The following IL12RB1 variants were observed in gnomAD, a reference collection of about 807,000 sequenced individuals.
The protein encoded by IL12RB1 is interleukin-12 receptor subunit beta-1.
A neutral mutation model predicts 94.4 loss-of-function variants in IL12RB1; 64 were observed. That is an observed-to-expected ratio of 0.68 (90% CI 0.55 to 0.83). IL12RB1 has a LOEUF of 0.83. Ranked by LOEUF, IL12RB1 falls within the 40% of genes least tolerant of loss-of-function variation. The pLI, the probability that IL12RB1 is intolerant of heterozygous loss-of-function variation, is 0.00. For synonymous variants in IL12RB1, 362 were observed against 355.5 expected, an observed-to-expected ratio of 1.02 and a Z score of -0.21; for missense variants, 814 against 855.6, an observed-to-expected ratio of 0.95 and a Z score of 0.61.
chr19:18,075,675 G>A, intron 7 of IL12RB1, 74 bp downstream of exon 7: 1 of 1,331,092 alleles, frequency 7.5e-7, no homozygotes, highest in South Asian at 1.2e-5. Flanking sequence ...GGAACTACAG[G>A]TGTGCACCAC....
At chr19:18,083,979 C>A (rs1366035845) in intron 1 of IL12RB1, among the ~76,000 whole-genome samples, 1 of 150,022 alleles carries the variant, frequency 6.7e-6, no homozygotes, top group East Asian at 2.0e-4. Flanking sequence ...ATTCATCCAT[C>A]CATGTATTCA....
Position 18,075,847 on chromosome 19 carries a change from T to A in IL12RB1, c.602A>T (p.Glu201Val). 1 of 1,613,312 alleles carries A rather than the reference T, an allele frequency of 6.2e-7. No homozygotes were observed. Among genetic ancestry groups the A allele is most frequent in the East Asian group, 2.2e-5 (1 of 44,886 alleles). ...CTGGAATTCCTGGGCCACATTCATC[T>A]CCAGGGGGCAGAGGCAGGACTCTGG... ...DDTESCLCPL[E>V]MNVAQEFQLR... Residue 201 changes from glutamate to valine, a missense_variant, in exon 7 of 17, where the codon GAG becomes GTG. By Grantham distance (121) the Glu-to-Val change is moderately radical. Transcript: ENST00000593993.
At chr19:18,062,994 T>C (rs1165765655) in intron 13 of IL12RB1, among the ~76,000 whole-genome samples, 1 of 117,254 alleles carries the variant, frequency 8.5e-6, no homozygotes, top group Non-Finnish European at 1.9e-5. Flanking sequence ...CCTGTGTTGT[T>C]CTCTTCCTCC....
intron 4 of IL12RB1, among the ~76,000 whole-genome samples, chr19:18,080,505 G>C (rs1028367914): frequency 6.6e-6 from 1 of 152,068 alleles, no homozygotes; most frequent in Non-Finnish European, 1.5e-5. Context: ...CCAAAGTGCT[G>C]GGATTACAGG....
Position 18,059,955 on chromosome 19 carries a change from G to A in IL12RB1, c.1922C>T (p.Ala641Val), listed in dbSNP as rs1447702115. Residue 641 changes from alanine to valine, a missense_variant, in exon 16 of 17, where the codon GCC becomes GTC. Physicochemically the swap from Ala to Val is moderately conservative, Grantham distance 64. Coordinates refer to ENST00000593993, the MANE Select transcript of IL12RB1 (RefSeq NM_005535.3). ...CTCTGTATCCAGGGCCAGCTCAGGG[G>A]CACCCTCAGGTAGCTCTGTCTTCTC... Reference protein sequence around the residue: ...PLEKTELPEGAPELALDTELS... With the variant: ...PLEKTELPEGVPELALDTELS... 6.3e-7 allele frequency: 1 copy of A among 1,596,074 alleles called. No individual in the cohort carries two copies. Among genetic ancestry groups the A allele is most frequent in the Non-Finnish European group, 8.5e-7 (1 of 1,170,786 alleles).
intron 12 of IL12RB1, among the ~76,000 whole-genome samples, chr19:18,064,870 A>G (rs1308179112): frequency 6.6e-6 from 1 of 152,134 alleles, no homozygotes; most frequent in East Asian, 1.9e-4. Flanking sequence ...AGGACTAGCT[A>G]AAGCAGGTCC....
intron 1 of IL12RB1, 25 bp from the exon 2 acceptor site, chr19:18,083,516 G>A: frequency 6.2e-7 from 1 of 1,612,200 alleles, no homozygotes; most frequent in Non-Finnish European, 8.5e-7. Flanking sequence ...AAGACATAAT[G>A]ACATTCCTGG....
chr19:18,093,445 C>A (rs941050070), intron 1 of IL12RB1, among the ~76,000 whole-genome samples: 3 of 151,918 alleles, frequency 2.0e-5, no homozygotes, highest in African/African-American at 7.3e-5. Flanking sequence ...AATAAGCACT[C>A]CTTCTTGCCC....
In IL12RB1 at chr19:18,063,076, C is replaced by CTTT. The variant is rs1345434373; in HGVS notation, c.1618+799_1619-799insAAA. 2.0e-3 allele frequency among the ~76,000 whole-genome samples: 152 copies of CTTT among 75,120 alleles called. 1 individual carries two copies. The highest frequency in any genetic ancestry group is 3.2e-3 in the African/African-American group (49 of 15,300). 49.3% of individuals were successfully genotyped at this position (75,120 alleles called of 152,430 possible). A position where few individuals can be genotyped will look rare whatever the true frequency, so the allele number is the denominator to read the frequency against. ...CTTCTTTCTTCTCCTTCTTCTTCTT[C>CTTT]TATTTTTTTTTTTTTTTTTTTTTTT... On this transcript the variant is annotated intron_variant, in intron 13 of 16. Coordinates refer to ENST00000593993, the MANE Select transcript of IL12RB1 (RefSeq NM_005535.3).
chr19:18,061,132 C>T lies in IL12RB1; in HGVS notation c.1781G>A (p.Gly594Glu), dbSNP rs370238890. 2.5e-4 allele frequency: 392 copies of T among 1,584,784 alleles called. 2 individuals carry two copies. The East Asian group carries it at 7.3e-3, about 29-fold the overall frequency. ...PCASSAIEFP[G>E]GKETWQWINP... ...AAAAGGCATCCTTACCTCCTTCCCT[C>T]CAGGGAACTCAATGGCGGAGCTGGC... Residue 594 changes from glycine to glutamate, a missense_variant, in exon 15 of 17, where the codon GGA (glycine) becomes GAA (glutamate). Transcript: ENST00000593993.
intron 6 of IL12RB1, 107 bp downstream of exon 6, chr19:18,076,190 G>A: frequency 5.3e-6 from 4 of 758,970 alleles, no homozygotes; most frequent in Non-Finnish European, 9.8e-6. Context: ...TATGGGGCAG[G>A]GTAAGAGGCA....
chr19:18,080,974 G>C lies in IL12RB1; in HGVS notation c.267C>G (p.Phe89Leu). ...GCAGCCTGGTGGCTGAGCCGGCGGC[G>C]AAGTAGCAGCAGCGCCCGGAGCTAA... The part of the protein sequence containing the change: ...CCLSSGRCCY[F>L]AAGSATRLQF... Residue 89 changes from phenylalanine to leucine, a missense_variant, in exon 4 of 17, where the codon TTC (phenylalanine) becomes TTG (leucine). Transcript: ENST00000593993. 6.2e-7 allele frequency: 1 copy of C among 1,613,348 alleles called. No homozygotes were observed. The highest frequency in any genetic ancestry group is 8.5e-7 in the Non-Finnish European group (1 of 1,179,868).
At chr19:18,060,198 G>T in intron 15 of IL12RB1, 113 bp from the exon 16 acceptor site, 1 of 643,014 alleles carries the variant, frequency 1.6e-6, no homozygotes, top group South Asian at 1.9e-5. Context: ...CTGAGACCTG[G>T]ACGGGTGCAG....
At chr19:18,095,977 G>A (rs763535988) in intron 1 of IL12RB1, among the ~76,000 whole-genome samples, 28 of 152,080 alleles carry the variant, frequency 1.8e-4, no homozygotes, top group Non-Finnish European at 1.8e-4. Flanking sequence ...TAGTCCCAGC[G>A]CTTTGGGAGG....
In IL12RB1 at chr19:18,077,520, T is replaced by C. The variant is rs941112862; in HGVS notation, c.545A>G (p.Lys182Arg). The change falls in exon 5 of 17, where the codon AAG becomes AGG. Residue 182 changes from lysine to arginine, a missense_variant. Coordinates refer to ENST00000593993, the MANE Select transcript of IL12RB1 (RefSeq NM_005535.3). ...GGACTTGGGAAACAAACTCACCAAC[T>C]TCCATGGGCTGCTGGGTGTCCGGTG... The part of the protein sequence containing the change: ...FRHRTPSSPW[K>R]LGDCGPQDDD... The C allele has an allele frequency of 1.9e-5, 30 of 1,609,638 alleles. No individual in the cohort carries two copies. The highest frequency in any genetic ancestry group is 1.8e-4 in the Admixed American group (11 of 59,592).
At chr19:18,093,350 T>TTG (rs1035943035) in intron 1 of IL12RB1, among the ~76,000 whole-genome samples, 1 of 133,200 alleles carries the variant, frequency 7.5e-6, no homozygotes, top group African/African-American at 3.2e-5. Flanking sequence ...ATATATATAC[T>TTG]TGTGTGTGTG....
chr19:18,064,130 C>CTTTT, intron 12 of IL12RB1, 120 bp from the exon 13 acceptor site: 1 of 461,896 alleles, frequency 2.2e-6, no homozygotes, highest in Non-Finnish European at 3.9e-6. Context: ...AATCTCTACT[C>CTTTT]TTTCTTTCTT....
At chr19:18,097,280 C>T (rs1276778873) in intron 1 of IL12RB1, among the ~76,000 whole-genome samples, 1 of 152,106 alleles carries the variant, frequency 6.6e-6, no homozygotes, top group East Asian at 1.9e-4. Flanking sequence ...TGGATTCAAG[C>T]GATTCTCCTG....
At chr19:18,069,448 G>T in intron 10 of IL12RB1, 98 bp downstream of exon 10, 1 of 1,175,384 alleles carries the variant, frequency 8.5e-7, no homozygotes, top group South Asian at 1.5e-5. Context: ...CTGGGCCTTA[G>T]ACACCCGCTG....
Sources: allele counts gnomAD v4.1 joint callset (sites outside exome capture counted in the v4.1 genomes callset), GRCh38; gene constraint gnomAD v4.1.1; transcripts MANE v1.5; gene names NCBI Gene and HGNC (gene_info 2026-07-23, HGNC 2026-07-21).